Variants in GNAL observed in about 807,000 individuals in gnomAD.
GNAL encodes guanine nucleotide-binding protein G(olf) subunit alpha.
GNAL carries 18 observed loss-of-function variants against 55.1 expected under a neutral mutation model. The ratio of observed to expected loss-of-function variants is 0.33; its 90% CI spans 0.23 to 0.48. GNAL has a LOEUF of 0.48. Among genes scored for constraint, GNAL ranks in the 20% least tolerant of loss-of-function variants. The pLI is 0.99. For synonymous variants in GNAL, 253 were observed against 237.0 expected (o/e 1.07, Z -0.62); for missense variants, 412 against 614.1 (o/e 0.67, Z 3.48).
intron 5 of GNAL, among the ~76,000 whole-genome samples, chr18:11,847,945 C>T (rs747808860): frequency 1.3e-5 from 2 of 152,152 alleles, no homozygotes; most frequent in African/African-American, 2.4e-5. Flanking sequence ...AGGGTAGATG[C>T]AGATTCAGAT....
intron 1 of GNAL, among the ~76,000 whole-genome samples, chr18:11,705,044 C>T (rs1339599262): frequency 6.6e-6 from 1 of 152,160 alleles, no homozygotes; most frequent in Non-Finnish European, 1.5e-5. Flanking sequence ...CAACGTTGTA[C>T]AGCAGAGCTC....
intron 5 of GNAL, chr18:11,857,589 G>A: frequency 3.0e-6 from 3 of 985,514 alleles, no homozygotes; most frequent in Non-Finnish European, 3.6e-6. Flanking sequence ...GGGAGGTGGG[G>A]AAAGCCAAGA....
intron 1 of GNAL, among the ~76,000 whole-genome samples, chr18:11,739,461 A>G (rs2032529111): frequency 6.6e-6 from 1 of 152,066 alleles, no homozygotes; most frequent in Non-Finnish European, 1.5e-5. Flanking sequence ...GGTTCTCAAA[A>G]TCACTCGATT....
At chr18:11,744,413 A>G (rs2032643979) in intron 1 of GNAL, among the ~76,000 whole-genome samples, 1 of 152,222 alleles carries the variant, frequency 6.6e-6, no homozygotes, top group Non-Finnish European at 1.5e-5. Flanking sequence ...TAAAATTTTT[A>G]TCATGATGTT....
intron 4 of GNAL, among the ~76,000 whole-genome samples, chr18:11,822,105 G>C (rs538421868): frequency 6.6e-6 from 1 of 152,354 alleles, no homozygotes; most frequent in South Asian, 2.1e-4. Flanking sequence ...CGCGGGGCGA[G>C]GGCGGCTCCG....
At chr18:11,876,431 C>CGAGA (rs1555617113) in intron 10 of GNAL, among the ~76,000 whole-genome samples, 190 bp from the exon 11 acceptor site, 5 of 151,954 alleles carry the variant, frequency 3.3e-5, no homozygotes, top group Non-Finnish European at 5.9e-5. Flanking sequence ...CCACTGCACT[C>CGAGA]CAGCCTGGGC....
intron 4 of GNAL, among the ~76,000 whole-genome samples, chr18:11,807,411 G>A (rs1041920272): frequency 1.3e-5 from 2 of 152,218 alleles, no homozygotes; most frequent in African/African-American, 4.8e-5. Context: ...GCTTCAGTCA[G>A]GAATTTAGCA....
intron 4 of GNAL, among the ~76,000 whole-genome samples, chr18:11,774,445 C>G (rs941132742): frequency 6.6e-6 from 1 of 152,186 alleles, no homozygotes; most frequent in Non-Finnish European, 1.5e-5. Context: ...CTAAAAGAGC[C>G]ACCTACGCCT....
intron 4 of GNAL, among the ~76,000 whole-genome samples, chr18:11,780,044 A>T (rs1461631460): frequency 2.0e-5 from 3 of 152,256 alleles, no homozygotes; most frequent in African/African-American, 7.2e-5. Context: ...TAGCGCAGTT[A>T]GTACCTTGTT....
intron 1 of GNAL, among the ~76,000 whole-genome samples, chr18:11,691,176 A>T (rs2031236187): frequency 6.6e-6 from 1 of 151,746 alleles, no homozygotes; most frequent in South Asian, 2.1e-4. Flanking sequence ...ATGGTATCTC[A>T]TTGTGGTTTT....
At chr18:11,768,408 C>G (rs2033479727) in intron 4 of GNAL, among the ~76,000 whole-genome samples, 1 of 152,074 alleles carries the variant, frequency 6.6e-6, no homozygotes, top group Admixed American at 6.6e-5. Context: ...TCGAGACCAG[C>G]CTGACCAACA....
rs764847161 is a variant in GNAL at position 11,884,588 on chromosome 18, A to G, written c.*3453A>G. On this transcript the variant is annotated 3_prime_UTR_variant, in exon 12 of 12. Coordinates refer to ENST00000334049, the MANE Select transcript of GNAL (RefSeq NM_182978.4). Reference sequence around the variant, plus strand: ...AAAACCACATCCTCACGTGGGAGGTAGCACTTGGAGAGGGTGTAGTCTGTG... The same window carrying G: ...AAAACCACATCCTCACGTGGGAGGTGGCACTTGGAGAGGGTGTAGTCTGTG... 5 of 1,613,924 alleles carry G rather than the reference A, an allele frequency of 3.1e-6. 1 individual carries two copies. The South Asian group carries it at 5.5e-5, about 18-fold the overall frequency.
chr18:11,801,296 A>G (rs781190950), intron 4 of GNAL, among the ~76,000 whole-genome samples: 2 of 152,192 alleles, frequency 1.3e-5, no homozygotes, highest in Non-Finnish European at 2.9e-5. Context: ...CACGCCTGAA[A>G]TAACAGCACT....
intron 5 of GNAL, among the ~76,000 whole-genome samples, chr18:11,845,111 A>G (rs1312805344): frequency 6.6e-6 from 1 of 152,036 alleles, no homozygotes; most frequent in South Asian, 2.1e-4. Context: ...TGATCCGCCC[A>G]CCTCAGCCTC....
At chr18:11,869,076 C>T (rs891228950) in intron 9 of GNAL, among the ~76,000 whole-genome samples, 1 of 152,122 alleles carries the variant, frequency 6.6e-6, no homozygotes, top group South Asian at 2.1e-4. Context: ...AATCCAGAAC[C>T]GTACGAAGTA....
chr18:11,875,487 G>T (rs1330735879), intron 10 of GNAL, among the ~76,000 whole-genome samples: 4 of 152,184 alleles, frequency 2.6e-5, no homozygotes, highest in African/African-American at 9.6e-5. Flanking sequence ...GATCATTTTT[G>T]AATGGTTTAG....
chr18:11,863,436 CT>C (rs2036192452), intron 6 of GNAL, among the ~76,000 whole-genome samples: 1 of 152,240 alleles, frequency 6.6e-6, no homozygotes, highest in Admixed American at 6.5e-5. Flanking sequence ...GAGCTTCTCT[CT>C]CTCCCATGAA....
rs76921739 is a variant in GNAL, at chr18:11,881,540, T to C, written c.*405T>C. 0.012 allele frequency: 1,929 copies of C among 158,008 alleles called. 36 individuals are homozygous for C. Among genetic ancestry groups the C allele is most frequent in the African/African-American group, 0.044 (1,826 of 41,784 alleles). 9.8% of individuals were successfully genotyped at this position (158,008 alleles called of 1,614,324 possible). A position where few individuals can be genotyped will look rare whatever the true frequency, so the allele number is the denominator to read the frequency against. On this transcript the variant is annotated 3_prime_UTR_variant, in exon 12 of 12. Coordinates refer to ENST00000334049, the MANE Select transcript of GNAL (RefSeq NM_182978.4). The surrounding 1 kb of genome is among the most constrained non-coding windows in gnomAD (Gnocchi z 4.8). ...CAGTGCCCTGAGCCACGGCCGTCTC[T>C]GATTCTCCCTTTATGAAGCTGCAGG... is the stretch of plus-strand genomic sequence containing the variant.
chr18:11,825,874 G>A (rs1202934896), intron 5 of GNAL, among the ~76,000 whole-genome samples: 1 of 151,876 alleles, frequency 6.6e-6, no homozygotes, highest in African/African-American at 2.4e-5. Flanking sequence ...TTAGAACAAT[G>A]TTAAATTATT....
Sources: allele counts gnomAD v4.1 joint callset (sites outside exome capture counted in the v4.1 genomes callset), GRCh38; gene constraint gnomAD v4.1.1; non-coding constraint Gnocchi (gnomAD v3.1); transcripts MANE v1.5; gene names NCBI Gene and HGNC (gene_info 2026-07-23, HGNC 2026-07-21).